WNT9B: variants seen among roughly 807,000 people sequenced by gnomAD.
WNT9B encodes protein Wnt-9b.
In WNT9B, 12 loss-of-function variants were observed where a neutral mutation model predicts 30.2. The ratio of observed to expected loss-of-function variants is 0.40; its 90% CI spans 0.26 to 0.64. The LOEUF is 0.64. Ranked by LOEUF, WNT9B falls within the 30% of genes least tolerant of loss-of-function variation. WNT9B has a pLI of 0.42. For synonymous variants in WNT9B, 218 were observed against 216.9 expected (o/e 1.01, Z -0.05); for missense variants, 442 against 485.2 (o/e 0.91, Z 0.84).
chr17:46,863,256 G>A (rs2085073777), intron 1 of WNT9B, among the ~76,000 whole-genome samples: 2 of 152,222 alleles, frequency 1.3e-5, no homozygotes, highest in African/African-American at 4.8e-5. Flanking sequence ...CAGCAGGGTG[G>A]GACTGCAGGG....
In WNT9B at chr17:46,875,374, T is replaced by G. The variant is rs368807340; in HGVS notation, c.600+8T>G. ...ACCCACGTGGGCATCAAGGTGAGCA[T>G]GTCCCTGGCTGCCCGCAGTGCCTTC... is the stretch of plus-strand genomic sequence containing the variant. On this transcript the variant is annotated splice_region_variant and intron_variant, in intron 3 of 3. Transcript: ENST00000290015. The G allele has an allele frequency of 2.6e-5, 41 of 1,584,944 alleles. No individual in the cohort carries two copies. In the African/African-American group the frequency reaches 5.0e-4, roughly 19 times the overall value.
At chr17:46,836,095 C>CGTGTGTGTGTGTGTGTGTGT (rs59862934) in intron 1 of WNT9B, among the ~76,000 whole-genome samples, 2,230 of 126,428 alleles carry the variant, frequency 0.018, 79 homozygotes, top group East Asian at 0.041. Flanking sequence ...GAGACGCTGA[C>CGTGTGTGTGTGTGTGTGTGT]GTGTGTGTGT....
chr17:46,838,969 C>A (rs1056519552), intron 1 of WNT9B, among the ~76,000 whole-genome samples: 1 of 152,182 alleles, frequency 6.6e-6, no homozygotes, highest in East Asian at 1.9e-4. Context: ...CCTCTTCCTC[C>A]CGGGTTCAAG....
chr17:46,841,057 A>G (rs1351403221), intron 1 of WNT9B, among the ~76,000 whole-genome samples: 1 of 152,200 alleles, frequency 6.6e-6, no homozygotes, highest in African/African-American at 2.4e-5. Flanking sequence ...CAGGAGGCAG[A>G]GGGTGGGAGA....
At chr17:46,850,348 C>A (rs377203145), upstream of WNT9B, among the ~76,000 whole-genome samples, 17 of 152,276 alleles carry the variant, frequency 1.1e-4, no homozygotes, top group Middle Eastern at 6.8e-3. Context: ...GTAATCACTG[C>A]GCTCATTTGA....
At chr17:46,883,565 G>T (rs145628907), downstream of WNT9B, among the ~76,000 whole-genome samples, 1 of 152,194 alleles carries the variant, frequency 6.6e-6, no homozygotes, top group African/African-American at 2.4e-5. Flanking sequence ...GATTACAGGC[G>T]TGAGCCACTG....
intron 1 of WNT9B, among the ~76,000 whole-genome samples, chr17:46,841,716 C>T (rs1365412910): frequency 6.6e-6 from 1 of 152,088 alleles, no homozygotes; most frequent in African/African-American, 2.4e-5. Flanking sequence ...CTGGGGAGTG[C>T]GGGGTAGATG....
Position 46,875,253 on chromosome 17 carries a change from G to T in WNT9B, c.487G>T (p.Gly163Cys), listed in dbSNP as rs772815552. The change falls in exon 3 of 4, where the codon GGT (glycine) becomes TGT (cysteine). Residue 163 changes from glycine to cysteine, a missense_variant. Physicochemically the swap from Gly to Cys is radical, Grantham distance 159. Transcript: ENST00000290015. ...SRQAWQWGVC[G>C]DNLKYSTKFL... ...GCAGGCCTGGCAGTGGGGCGTGTGCGGTGACAACCTCAAGTACAGCACCAA... is the reference window on the plus strand; with the variant it reads ...GCAGGCCTGGCAGTGGGGCGTGTGCTGTGACAACCTCAAGTACAGCACCAA... 1 of 1,614,190 alleles carries T rather than the reference G, an allele frequency of 6.2e-7. No homozygotes were observed.
chr17:46,873,563 A>G (rs1234421405), intron 2 of WNT9B, among the ~76,000 whole-genome samples: 1 of 152,188 alleles, frequency 6.6e-6, no homozygotes, highest in Non-Finnish European at 1.5e-5. Flanking sequence ...GTTGCCATTT[A>G]AATGGAACTT....
chr17:46,871,429 T>G (rs772979976), intron 1 of WNT9B, among the ~76,000 whole-genome samples: 1 of 152,220 alleles, frequency 6.6e-6, no homozygotes, highest in Admixed American at 6.5e-5. Context: ...ATCTGTTGTA[T>G]GACCAGTCCA....
chr17:46,886,133 A>G (rs1193202003), exon 5 of WNT9B: 1 of 152,264 alleles, frequency 6.6e-6, no homozygotes, highest in Non-Finnish European at 1.5e-5. Context: ...AGCTGTGTGT[A>G]CTTGACCCTG....
At chr17:46,854,589 T>C (rs548988849) in intron 1 of WNT9B, among the ~76,000 whole-genome samples, 1 of 152,282 alleles carries the variant, frequency 6.6e-6, no homozygotes, top group East Asian at 1.9e-4. Context: ...GTTCTGCTGC[T>C]TTTGAGTGAG....
chr17:46,849,869 A>G (rs1339950785), upstream of WNT9B, among the ~76,000 whole-genome samples: 1 of 126,182 alleles, frequency 7.9e-6, no homozygotes. Context: ...TTGTTTTGAG[A>G]TGGAGTCCCA....
At chr17:46,869,878 A>C (rs1598858612) in intron 1 of WNT9B, among the ~76,000 whole-genome samples, 2 of 152,106 alleles carry the variant, frequency 1.3e-5, no homozygotes, top group African/African-American at 4.8e-5. Context: ...GCACACCTGT[A>C]GTCCCAGCTA....
chr17:46,849,217 C>T (rs2084810942), upstream of WNT9B, among the ~76,000 whole-genome samples: 1 of 152,238 alleles, frequency 6.6e-6, no homozygotes, highest in Admixed American at 6.5e-5. Context: ...TCTCACTCTC[C>T]AGCCACTGAT....
intron 1 of WNT9B, among the ~76,000 whole-genome samples, chr17:46,837,223 G>T (rs1035323038): frequency 6.6e-6 from 1 of 152,168 alleles, no homozygotes; most frequent in African/African-American, 2.4e-5. Flanking sequence ...TTACAGGCGT[G>T]AGCCACCGTG....
chr17:46,863,913 A>C lies in WNT9B; in HGVS notation c.78-8604A>C, dbSNP rs151221227. On this transcript the variant is annotated intron_variant, in intron 1 of 3. Coordinates refer to ENST00000290015, the MANE Select transcript of WNT9B (RefSeq NM_003396.3). Reference sequence around the variant, plus strand: ...GGGGTGGATCCTTGATCAGGCAGGGAGGTTCCTGCTGTCCCTACAGCTGGG... The same window carrying C: ...GGGGTGGATCCTTGATCAGGCAGGGCGGTTCCTGCTGTCCCTACAGCTGGG... Among the ~76,000 whole-genome samples the C allele has an allele frequency of 4.6e-3, 698 of 152,256 alleles. 10 individuals carry two copies. Among genetic ancestry groups the C allele is most frequent in the African/African-American group, 0.016 (669 of 41,546 alleles).
At chr17:46,871,313 A>G (rs1338924983) in intron 1 of WNT9B, among the ~76,000 whole-genome samples, 2 of 152,152 alleles carry the variant, frequency 1.3e-5, no homozygotes, top group Admixed American at 1.3e-4. Context: ...CACTGGGGGC[A>G]CCAGGATATA....
chr17:46,849,849 C>CTTTTTTTTTTTTT (rs761797393), upstream of WNT9B, among the ~76,000 whole-genome samples: 1 of 145,750 alleles, frequency 6.9e-6, no homozygotes, highest in Non-Finnish European at 1.5e-5. Flanking sequence ...CATTTAATAT[C>CTTTTTTTTTTTTT]TTTTTTTTTT....
Sources: allele counts gnomAD v4.1 joint callset (sites outside exome capture counted in the v4.1 genomes callset), GRCh38; gene constraint gnomAD v4.1.1; transcripts MANE v1.5; gene names NCBI Gene and HGNC (gene_info 2026-07-23, HGNC 2026-07-21).